Variants in L2HGDH observed in about 807,000 individuals in gnomAD.
The protein encoded by L2HGDH is L-2-hydroxyglutarate dehydrogenase, mitochondrial.
A neutral mutation model predicts 51.5 loss-of-function variants in L2HGDH; 34 were observed. The observed-to-expected ratio is 0.66, with a 90% CI of 0.50 to 0.88. The LOEUF is 0.88. L2HGDH is among the 40% of genes least tolerant of loss of function. The probability of loss-of-function intolerance (pLI) is 0.00; values close to 1 mark genes in which losing one functional copy is unlikely to be tolerated. For missense variants in L2HGDH, 558 were observed against 571.9 expected (o/e 0.98, Z 0.25); for synonymous variants, 198 against 197.9 (o/e 1.00, Z -0.01).
At chr14:50,264,955 C>A (rs1045241602) in intron 9 of L2HGDH, among the ~76,000 whole-genome samples, 4 of 152,066 alleles carry the variant, frequency 2.6e-5, no homozygotes, top group African/African-American at 7.2e-5. Flanking sequence ...ACATAGTGAT[C>A]AATAATCTTA....
At chr14:50,277,798 TAATAATAA>T (rs1890056103) in intron 6 of L2HGDH, among the ~76,000 whole-genome samples, 1 of 146,724 alleles carries the variant, frequency 6.8e-6, no homozygotes, top group Non-Finnish European at 1.5e-5. Context: ...ATAATAATAA[TAATAATAA>T]TAATAATAAT....
At chr14:50,284,218 C>T (rs1319285748) in intron 4 of L2HGDH, among the ~76,000 whole-genome samples, 185 bp from the exon 5 acceptor site, 1 of 152,164 alleles carries the variant, frequency 6.6e-6, no homozygotes, top group African/African-American at 2.4e-5. Flanking sequence ...TGATTTGATT[C>T]ATATCTGATT....
intron 4 of L2HGDH, among the ~76,000 whole-genome samples, chr14:50,284,846 T>C (rs1890480267): frequency 6.6e-6 from 1 of 152,252 alleles, no homozygotes; most frequent in Non-Finnish European, 1.5e-5. Flanking sequence ...ATTATTGTTG[T>C]GGTGGTTTTA....
chr14:50,273,906 C>G (rs1889830075), intron 6 of L2HGDH, among the ~76,000 whole-genome samples: 1 of 152,022 alleles, frequency 6.6e-6, no homozygotes, highest in Non-Finnish European at 1.5e-5. Flanking sequence ...TGTAGAAACC[C>G]CATCTCTACT....
intron 3 of L2HGDH, among the ~76,000 whole-genome samples, chr14:50,295,614 G>A (rs180763843): frequency 1.1e-4 from 14 of 124,644 alleles, no homozygotes; most frequent in African/African-American, 2.5e-4. Context: ...TAGAGACAGC[G>A]TTTTACCACA....
chr14:50,281,330 C>G (rs1454394458), intron 5 of L2HGDH, among the ~76,000 whole-genome samples: 2 of 152,188 alleles, frequency 1.3e-5, no homozygotes, highest in African/African-American at 4.8e-5. Flanking sequence ...CAGTAGCTCG[C>G]TCCTGTAATC....
At chr14:50,290,821 G>A (rs910619283) in intron 4 of L2HGDH, among the ~76,000 whole-genome samples, 5 of 151,786 alleles carry the variant, frequency 3.3e-5, no homozygotes, top group South Asian at 2.1e-4. Flanking sequence ...ACGCCACCAC[G>A]CCTGGCTGAA....
At chr14:50,306,681 G>T (rs1286005508) in intron 1 of L2HGDH, among the ~76,000 whole-genome samples, 4 of 151,432 alleles carry the variant, frequency 2.6e-5, no homozygotes, top group African/African-American at 9.7e-5. Flanking sequence ...CGTGTTGGTG[G>T]ATAGCGGGAG....
Position 50,272,829 on chromosome 14 carries a change from A to T in L2HGDH, c.739-3499T>A, listed in dbSNP as rs182889035. On this transcript the variant is annotated intron_variant, in intron 6 of 9. Coordinates refer to ENST00000267436, the MANE Select transcript of L2HGDH (RefSeq NM_024884.3). ...CTGCTAAATTGCCTCCTTCCTATCA[A>T]CCTGCCTCTATAGACCCATGGGGAG... is the stretch of plus-strand genomic sequence containing the variant. Among the ~76,000 whole-genome samples, 37 of 152,234 alleles carry T rather than the reference A, an allele frequency of 2.4e-4. 1 individual carries two copies. In the East Asian group the frequency reaches 7.1e-3, roughly 29 times the overall value.
Position 50,266,989 on chromosome 14 carries a change from T to C in L2HGDH, c.1064+764A>G, listed in dbSNP as rs769399093. 4.4e-4 allele frequency among the ~76,000 whole-genome samples: 67 copies of C among 152,258 alleles called. 1 individual carries two copies. The highest frequency in any genetic ancestry group is 6.8e-3 in the Middle Eastern group (2 of 294). On this transcript the variant is annotated intron_variant, in intron 8 of 9. Transcript: ENST00000267436. ...GTAATTTCTCCAGTGGCTTACAAAA[T>C]GATGGAGACTGGCTCAAAATGATTT... is the stretch of plus-strand genomic sequence containing the variant.
chr14:50,270,329 C>T lies in L2HGDH; in HGVS notation c.739-999G>A, dbSNP rs996143025. Among the ~76,000 whole-genome samples, 9 of 152,264 alleles carry T rather than the reference C, an allele frequency of 5.9e-5. 1 individual carries two copies. The highest frequency in any genetic ancestry group is 3.4e-3 in the Middle Eastern group (1 of 294). ...TATTTCCTAAATGACTTCATTTATC[C>T]CGCATTCACCACCACACTTGAATTC... is the stretch of plus-strand genomic sequence containing the variant. On this transcript the variant is annotated intron_variant, in intron 6 of 9. Transcript: ENST00000267436.
At chr14:50,252,069 GAC>G (rs1486606881) in intron 9 of L2HGDH, among the ~76,000 whole-genome samples, 5 of 149,954 alleles carry the variant, frequency 3.3e-5, no homozygotes, top group Admixed American at 3.3e-4. Flanking sequence ...AACTTTTCAA[GAC>G]ACAGACAGTA....
intron 6 of L2HGDH, among the ~76,000 whole-genome samples, chr14:50,273,282 T>G (rs1201770353): frequency 6.6e-6 from 1 of 152,172 alleles, no homozygotes; most frequent in Non-Finnish European, 1.5e-5. Context: ...ACCTGCCCTG[T>G]GGATGTTAGT....
chr14:50,266,577 G>A (rs867671207), intron 8 of L2HGDH, among the ~76,000 whole-genome samples: 3 of 152,220 alleles, frequency 2.0e-5, no homozygotes, highest in Non-Finnish European at 4.4e-5. Context: ...AGGAGGTTGA[G>A]GCTGCAGTGA....
intron 4 of L2HGDH, among the ~76,000 whole-genome samples, chr14:50,285,912 C>T (rs1022430251): frequency 2.6e-5 from 4 of 152,110 alleles, no homozygotes; most frequent in Non-Finnish European, 5.9e-5. Context: ...TGGTGTGCCC[C>T]ACCTATACAT....
chr14:50,311,428 T>C, intron 1 of L2HGDH: 1 of 456,080 alleles, frequency 2.2e-6, no homozygotes, highest in South Asian at 1.5e-5. Context: ...ACACAAACTG[T>C]TTCTTCTACA....
chr14:50,290,211 GA>G (rs1890797335), intron 4 of L2HGDH, among the ~76,000 whole-genome samples: 1 of 152,044 alleles, frequency 6.6e-6, no homozygotes, highest in Non-Finnish European at 1.5e-5. Flanking sequence ...AGCTTGCAGT[GA>G]GTCGAGATCA....
rs12432673 is a variant in L2HGDH at position 50,265,324 on chromosome 14, G to A, written c.1196+34C>T. ...CACCTCTCAAGTTCACATAGGTCAG[G>A]ACTGTATTTACACTCCTTATCCCTT... On this transcript the variant is annotated intron_variant, in intron 9 of 9. Transcript: ENST00000267436. 688,784 of 1,579,714 alleles carry A rather than the reference G, an allele frequency of 0.44. 154,122 individuals are homozygous for A. The highest frequency in any genetic ancestry group is 0.64 in the East Asian group (28,391 of 44,536).
At chr14:50,265,965 A>G (rs1028983941) in intron 8 of L2HGDH, among the ~76,000 whole-genome samples, 4 of 152,082 alleles carry the variant, frequency 2.6e-5, no homozygotes, top group African/African-American at 7.2e-5. Flanking sequence ...GGCCAATATC[A>G]GAAGAAAACC....
Sources: allele counts gnomAD v4.1 joint callset (sites outside exome capture counted in the v4.1 genomes callset), GRCh38; gene constraint gnomAD v4.1.1; transcripts MANE v1.5; gene names NCBI Gene and HGNC (gene_info 2026-07-23, HGNC 2026-07-21).